Variants in UCK1 observed in about 807,000 individuals in gnomAD.
UCK1 encodes the protein uridine-cytidine kinase 1, also known as cytidine monophosphokinase 1.
In UCK1, 20 loss-of-function variants were observed where a neutral mutation model predicts 34.0. The ratio of observed to expected loss-of-function variants is 0.59; its 90% CI spans 0.41 to 0.86. UCK1 has a LOEUF of 0.86. Among genes scored for constraint, UCK1 ranks in the 40% least tolerant of loss-of-function variants. The pLI is 0.00. For missense variants in UCK1, 343 were observed against 383.6 expected (o/e 0.89, Z 0.88); for synonymous variants, 168 against 155.9 (o/e 1.08, Z -0.58).
In UCK1 at chr9:131,525,052, G is replaced by A. The variant is rs1306124358; in HGVS notation, c.822C>T (p.Ser274=). 5.0e-6 allele frequency: 8 copies of A among 1,611,384 alleles called. No individual in the cohort carries two copies. Among genetic ancestry groups the A allele is most frequent in the East Asian group, 4.5e-5 (2 of 44,824 alleles). ...GCTCGGCAGCCCCTCAGTGGGGTCTGCTGCTGGACTCCAAATGTGACCGTT... is the reference window on the plus strand; with the variant it reads ...GCTCGGCAGCCCCTCAGTGGGGTCTACTGCTGGACTCCAAATGTGACCGTT... ...SGKRSHLESS[S]RPH is the part of the protein sequence containing the mutation. Residue 274 remains serine (S), a synonymous_variant, in exon 7 of 7, where the codon AGC becomes AGT. Coordinates refer to ENST00000372215, the MANE Select transcript of UCK1 (RefSeq NM_031432.5).
intron 2 of UCK1, 111 bp from the exon 3 acceptor site, chr9:131,529,695 C>T: frequency 2.2e-6 from 2 of 917,836 alleles, no homozygotes; most frequent in South Asian, 1.4e-5. Flanking sequence ...ACACCGAGAA[C>T]CCTAGCACAG....
In UCK1 at chr9:131,531,235, C is replaced by G; in HGVS notation, c.-61G>C. ...CCGCCCCTTCCCCAGGCCCGGCGCG[C>G]CCGCCCAGCGCCGAGGTCGGAGGCA... On this transcript the variant is annotated 5_prime_UTR_variant, in exon 1 of 7. Transcript: ENST00000372215. The G allele has an allele frequency of 7.7e-7, 1 of 1,303,168 alleles. No individual in the cohort carries two copies. Among genetic ancestry groups the G allele is most frequent in the Admixed American group, 4.2e-5 (1 of 23,954 alleles). 80.7% of individuals were successfully genotyped at this position (1,303,168 alleles called of 1,614,324 possible).
chr9:131,528,624 C>T (rs940100486), intron 5 of UCK1, among the ~76,000 whole-genome samples: 2 of 152,230 alleles, frequency 1.3e-5, no homozygotes, highest in South Asian at 2.1e-4. Flanking sequence ...AAAAAGGAAG[C>T]AGGCAGAGAG....
intron 1 of UCK1, 123 bp from the exon 2 acceptor site, chr9:131,530,768 C>T: frequency 1.9e-6 from 3 of 1,562,754 alleles, no homozygotes; most frequent in Non-Finnish European, 2.6e-6. Flanking sequence ...CGGGAGGACA[C>T]CAACAGGTGT....
At chr9:131,526,218 CA>C in intron 5 of UCK1, 1 of 657,296 alleles carries the variant, frequency 1.5e-6, no homozygotes, top group Non-Finnish European at 2.6e-6. Flanking sequence ...CCAGTGTCCC[CA>C]TTCCATCACA....
chr9:131,526,377 T>TG, intron 5 of UCK1: 1 of 1,255,328 alleles, frequency 8.0e-7, no homozygotes, highest in Admixed American at 2.3e-5. Flanking sequence ...GCAAATACCC[T>TG]GGCACAGCAA....
In UCK1 at chr9:131,524,669, A is replaced by T; in HGVS notation, c.*371T>A. On this transcript the variant is annotated 3_prime_UTR_variant, in exon 7 of 7. Coordinates refer to ENST00000372215, the MANE Select transcript of UCK1 (RefSeq NM_031432.5). ...AAAAACTCTCTCCCACTGTGGGTTC[A>T]CTGTCAACAAAACATCAGGCCAGCC... 1 of 202,894 alleles carries T rather than the reference A, an allele frequency of 4.9e-6. No homozygotes were observed. Among genetic ancestry groups the T allele is most frequent in the Non-Finnish European group, 9.8e-6 (1 of 101,754 alleles). The allele number at this position is 202,894 out of a possible 1,614,324, so 12.6% of individuals were successfully genotyped here.
intron 2 of UCK1, 119 bp from the exon 3 acceptor site, chr9:131,529,703 C>T (rs539047268): frequency 2.9e-5 from 24 of 830,284 alleles, no homozygotes; most frequent in Non-Finnish European, 4.4e-5. Context: ...AACCCTAGCA[C>T]AGGTAGACTA....
intron 2 of UCK1, 136 bp downstream of exon 2, chr9:131,530,350 A>T: frequency 9.7e-7 from 1 of 1,027,958 alleles, no homozygotes; most frequent in Non-Finnish European, 1.5e-6. Context: ...AGCCAACTCC[A>T]CTGCAGGCTG....
At chr9:131,529,802 G>A (rs1437790168) in intron 2 of UCK1, among the ~76,000 whole-genome samples, 1 of 152,180 alleles carries the variant, frequency 6.6e-6, no homozygotes, top group Non-Finnish European at 1.5e-5. Context: ...TTCTCGGGCT[G>A]TGCCACTGCC....
In UCK1 at chr9:131,531,194, C is replaced by G. The variant is rs906442159; in HGVS notation, c.-20G>C. 4 of 1,389,510 alleles carry G rather than the reference C, an allele frequency of 2.9e-6. No homozygotes were observed. Among genetic ancestry groups the G allele is most frequent in the Non-Finnish European group, 2.8e-6 (3 of 1,071,908 alleles). The allele number at this position is 1,389,510 out of a possible 1,614,324, so 86.1% of individuals were successfully genotyped here. A position where few individuals can be genotyped will look rare whatever the true frequency, so the allele number is the denominator to read the frequency against. On this transcript the variant is annotated 5_prime_UTR_variant, in exon 1 of 7. The change abolishes an upstream ATG in the 5' untranslated region. Transcript: ENST00000372215. ...AGCCATCTCGGCCTCCGCTCCCGCG[C>G]ATCGGGTCCCCGCGCCCGCCCCTTC...
Position 131,531,164 on chromosome 9 carries a change from G to A in UCK1, c.11C>T (p.Ala4Val), listed in dbSNP as rs1413420898. The stretch of plus-strand genomic sequence containing the variant: ...GGGGCTCTCGCAGTCTTCGCCTCCC[G>A]CCGAAGCCATCTCGGCCTCCGCTCC... Reference protein sequence around the residue: MASAGGEDCESPAP... With the variant: MASVGGEDCESPAP... The change falls in exon 1 of 7, where the codon GCG becomes GTG. Residue 4 changes from alanine (A) to valine (V), a missense_variant. Ala to Val is a moderately conservative substitution (Grantham distance 64, BLOSUM62 0). Coordinates refer to ENST00000372215, the MANE Select transcript of UCK1 (RefSeq NM_031432.5). 2 of 1,421,214 alleles carry A rather than the reference G, an allele frequency of 1.4e-6. No homozygotes were observed. The highest frequency in any genetic ancestry group is 1.8e-6 in the Non-Finnish European group (2 of 1,088,718). The allele number at this position is 1,421,214 out of a possible 1,614,324, so 88.0% of individuals were successfully genotyped here.
rs757085499 is a variant in UCK1, at chr9:131,529,010, G to C, written c.537C>G (p.Asp179Glu). The change falls in exon 5 of 7, where the codon GAC becomes GAG. Residue 179 changes from aspartate (D) to glutamate (E), a missense_variant. Physicochemically the swap from Asp to Glu is conservative, Grantham distance 45. Coordinates refer to ENST00000372215, the MANE Select transcript of UCK1 (RefSeq NM_031432.5). ...RVLRDVRRGR[D>E]LEQILTQYTT... ...TGTACTGCGTCAGAATCTGCTCCAGGTCCCTCCCTCGGCGCACGTCCCGGA... is the reference window on the plus strand; with the variant it reads ...TGTACTGCGTCAGAATCTGCTCCAGCTCCCTCCCTCGGCGCACGTCCCGGA... 1 of 1,613,986 alleles carries C rather than the reference G, an allele frequency of 6.2e-7. No individual in the cohort carries two copies. Among genetic ancestry groups the C allele is most frequent in the Non-Finnish European group, 8.5e-7 (1 of 1,180,024 alleles).
chr9:131,531,243 G>T lies in UCK1; in HGVS notation c.-69C>A, dbSNP rs146900973. 100 of 1,289,078 alleles carry T rather than the reference G, an allele frequency of 7.8e-5. No individual in the cohort carries two copies. The highest frequency in any genetic ancestry group is 9.7e-5 in the Non-Finnish European group (98 of 1,013,716). The allele number at this position is 1,289,078 out of a possible 1,614,324, so 79.9% of individuals were successfully genotyped here. On this transcript the variant is annotated 5_prime_UTR_variant, in exon 1 of 7. The change creates a new upstream start codon in the 5' untranslated region. Coordinates refer to ENST00000372215, the MANE Select transcript of UCK1 (RefSeq NM_031432.5). Reference sequence around the variant, plus strand: ...TCCCCAGGCCCGGCGCGCCCGCCCAGCGCCGAGGTCGGAGGCAACCGGAGC... The same window carrying T: ...TCCCCAGGCCCGGCGCGCCCGCCCATCGCCGAGGTCGGAGGCAACCGGAGC...
chr9:131,530,950 C>T, intron 1 of UCK1, 117 bp downstream of exon 1: 1 of 1,056,736 alleles, frequency 9.5e-7, no homozygotes, highest in Non-Finnish European at 1.2e-6. Context: ...CCTTCGCTCC[C>T]GCGCCCTGCC....
rs1468961662 is a variant in UCK1 at position 131,525,098 on chromosome 9, G to C, written c.776C>G (p.Pro259Arg). ...CCGTTTGCCAGAGGTCAGCATCCCA[G>C]GGTGGTCCCCTGGCTCAGAAAAGGT... is the stretch of plus-strand genomic sequence containing the variant. ...KRTFSEPGDHPGMLTSGKRSH... is the reference protein window; with the variant it reads ...KRTFSEPGDHRGMLTSGKRSH... Residue 259 changes from proline to arginine, a missense_variant, in exon 7 of 7, where the codon CCT (proline) becomes CGT (arginine). Pro to Arg is a moderately radical substitution (Grantham distance 103). Transcript: ENST00000372215. 33 of 1,613,680 alleles carry C rather than the reference G, an allele frequency of 2.0e-5. No individual in the cohort carries two copies. The highest frequency in any genetic ancestry group is 2.3e-5 in the Non-Finnish European group (27 of 1,180,006).
At chr9:131,526,282 C>T (rs1193083882) in intron 5 of UCK1, 23 of 731,448 alleles carry the variant, frequency 3.1e-5, no homozygotes, top group East Asian at 2.1e-4. Context: ...CAGCTGGCTA[C>T]GCTAACGACT....
chr9:131,529,636 C>G (rs370701650), intron 2 of UCK1, 52 bp from the exon 3 acceptor site: 1 of 1,561,594 alleles, frequency 6.4e-7, no homozygotes, highest in African/African-American at 1.4e-5. Context: ...GTGCAGCGGA[C>G]AGCAGGGAAC....
rs369313627 is a variant in UCK1 at position 131,525,256 on chromosome 9, G to A, written c.653-35C>T. On this transcript the variant is annotated intron_variant, in intron 6 of 6. Coordinates refer to ENST00000372215, the MANE Select transcript of UCK1 (RefSeq NM_031432.5). ...GAGACAGACAAGCAGCGGGTTAGCC[G>A]CATCCATCCTCCGTGGAGACCGCCC... 8.1e-5 allele frequency: 130 copies of A among 1,611,732 alleles called. 1 individual carries two copies. The highest frequency in any genetic ancestry group is 6.1e-4 in the Middle Eastern group (3 of 4,914).
Sources: gnomAD v4.1 joint callset for allele counts (sites outside exome capture counted in the v4.1 genomes callset) on GRCh38, gnomAD v4.1.1 for gene constraint, MANE v1.5 for transcripts, NCBI Gene and HGNC (gene_info 2026-07-23, HGNC 2026-07-21) for gene names.